DCDC2C: variants seen among roughly 807,000 people sequenced by gnomAD.
The protein encoded by DCDC2C is doublecortin domain-containing protein 2C.
In DCDC2C, 44 loss-of-function variants were observed where a neutral mutation model predicts 45.0. The observed-to-expected ratio is 0.98, with a 90% CI of 0.77 to 1.26. The LOEUF (loss-of-function observed/expected upper bound fraction) is 1.26. Ranked by LOEUF, DCDC2C falls within the 50% of genes most tolerant of loss-of-function variation. The probability of loss-of-function intolerance (pLI) is 0.00; values close to 1 mark genes in which losing one functional copy is unlikely to be tolerated. For synonymous variants in DCDC2C, 187 were observed against 178.8 expected (o/e 1.05, Z -0.37); for missense variants, 447 against 468.9 (o/e 0.95, Z 0.43).
At chr2:3,787,642 TGTTA>T (rs1384438643) in intron 10 of DCDC2C, among the ~76,000 whole-genome samples, 1 of 152,256 alleles carries the variant, frequency 6.6e-6, no homozygotes, top group African/African-American at 2.4e-5. Context: ...AAGAATACTT[TGTTA>T]AACTATAAAC....
chr2:3,726,880 T>G, intron 2 of DCDC2C, 123 bp from the exon 3 acceptor site: 15 of 800,952 alleles, frequency 1.9e-5, no homozygotes, highest in Non-Finnish European at 2.8e-5. Context: ...CCCCTGGGTG[T>G]TCTATTGACA....
chr2:3,815,708 C>A (rs1363037012), intron 10 of DCDC2C, among the ~76,000 whole-genome samples: 2 of 152,026 alleles, frequency 1.3e-5, no homozygotes, highest in African/African-American at 4.8e-5. Context: ...TGGAAAATTA[C>A]AATCAAAGGA....
rs1189827331 is a variant in DCDC2C, at chr2:3,708,529, TC to T, written c.288-19del. ...AAATATCTTCCTTCTAATGATGTTT[TC>T]TTCTTTCTTCTTTTGCAGTTATATT... On this transcript the variant is annotated intron_variant, in intron 1 of 10. Coordinates refer to ENST00000399143, the MANE Select transcript of DCDC2C (RefSeq NM_001287444.2). 24 of 1,525,028 alleles carry T rather than the reference TC, an allele frequency of 1.6e-5. No homozygotes were observed. The highest frequency in any genetic ancestry group is 1.4e-5 in the African/African-American group (1 of 71,872). 94.5% of individuals were successfully genotyped at this position (1,525,028 alleles called of 1,614,324 possible).
chr2:3,754,417 C>T (rs1387208277), intron 5 of DCDC2C, among the ~76,000 whole-genome samples, 175 bp from the exon 6 acceptor site: 5 of 152,168 alleles, frequency 3.3e-5, no homozygotes, highest in East Asian at 1.9e-4. Context: ...ATTCCTGGGG[C>T]GTTTTCTGCT....
intron 3 of DCDC2C, among the ~76,000 whole-genome samples, chr2:3,732,492 G>T (rs1344119566): frequency 6.6e-6 from 1 of 152,102 alleles, no homozygotes; most frequent in African/African-American, 2.4e-5. Context: ...TAATTTGACA[G>T]CAATGAACAA....
chr2:3,748,286 A>G (rs1669433183), intron 4 of DCDC2C, among the ~76,000 whole-genome samples: 1 of 141,528 alleles, frequency 7.1e-6, no homozygotes, highest in South Asian at 2.4e-4. Context: ...AAAGGCAGGC[A>G]GGTTTTGGCT....
chr2:3,751,713 T>C (rs1669547753), intron 4 of DCDC2C, among the ~76,000 whole-genome samples: 1 of 152,202 alleles, frequency 6.6e-6, no homozygotes, highest in African/African-American at 2.4e-5. Context: ...CTTCTGCTCC[T>C]GCACTTCCTG....
intron 9 of DCDC2C, among the ~76,000 whole-genome samples, chr2:3,782,341 AC>A (rs879311732): frequency 1.3e-5 from 2 of 152,194 alleles, no homozygotes; most frequent in Non-Finnish European, 2.9e-5. Flanking sequence ...TTTGGATGAC[AC>A]TTCCTCATCC....
chr2:3,711,446 G>A (rs1668207072), intron 2 of DCDC2C, among the ~76,000 whole-genome samples: 1 of 152,110 alleles, frequency 6.6e-6, no homozygotes, highest in African/African-American at 2.4e-5. Context: ...TTTACACCAT[G>A]GAATACTATG....
intron 3 of DCDC2C, 109 bp from the exon 4 acceptor site, chr2:3,741,811 A>G: frequency 1.7e-6 from 2 of 1,171,208 alleles, no homozygotes; most frequent in East Asian, 5.4e-5. Context: ...GAGGCTGCTT[A>G]GTGCATCTCA....
rs560472677 is a variant in DCDC2C, at chr2:3,761,069, T to G, written c.726+6435T>G. On this transcript the variant is annotated intron_variant, in intron 6 of 10. Coordinates refer to ENST00000399143, the MANE Select transcript of DCDC2C (RefSeq NM_001287444.2). The surrounding 1 kb of genome is among the most constrained non-coding windows in gnomAD (Gnocchi z 4.3). ...GGAACTTTTAGTCCAATGAAAGTAA[T>G]TGAATGAAGCTACTCTCATTATATA... is the stretch of plus-strand genomic sequence containing the variant. Among the ~76,000 whole-genome samples the G allele has an allele frequency of 6.6e-6, 1 of 152,232 alleles. No homozygotes were observed. The highest frequency in any genetic ancestry group is 2.1e-4 in the South Asian group (1 of 4,832).
In DCDC2C at chr2:3,847,595, T is replaced by G. The variant is rs552191889; in HGVS notation, c.*412T>G. Among the ~76,000 whole-genome samples the G allele has an allele frequency of 5.3e-4, 80 of 152,282 alleles. No homozygotes were observed. The highest frequency in any genetic ancestry group is 1.9e-3 in the African/African-American group (77 of 41,554). On this transcript the variant is annotated 3_prime_UTR_variant, in exon 11 of 11. Coordinates refer to ENST00000399143, the MANE Select transcript of DCDC2C (RefSeq NM_001287444.2). ...TACTGATAACCTTTGCTATGTAAAG[T>G]TCAAAGTATAAAAATGTTTTACCTT... is the stretch of plus-strand genomic sequence containing the variant.
rs1187401734 is a variant in DCDC2C, at chr2:3,778,881, C to T, written c.1020C>T (p.Asn340=). Residue 340 remains asparagine (N), a synonymous_variant, in exon 9 of 11, where the codon AAC becomes AAT. Coordinates refer to ENST00000399143, the MANE Select transcript of DCDC2C (RefSeq NM_001287444.2). ...AGAACACCCCTGATTTTGAGGGCAA[C>T]AAGGTGAGTTCATTTTATTTTGTGT... ...IHENTPDFEG[N]KDKEDARLCE... is the part of the protein sequence containing the mutation. 1 of 1,550,848 alleles carries T rather than the reference C, an allele frequency of 6.4e-7. No homozygotes were observed. Among genetic ancestry groups the T allele is most frequent in the East Asian group, 2.4e-5 (1 of 40,902 alleles).
chr2:3,834,771 T>G (rs1054012870), intron 10 of DCDC2C, among the ~76,000 whole-genome samples: 1 of 152,286 alleles, frequency 6.6e-6, no homozygotes, highest in Admixed American at 6.5e-5. Context: ...GGTGAATAAC[T>G]TGGACAGAAT....
chr2:3,805,349 T>C (rs758005307), intron 10 of DCDC2C, among the ~76,000 whole-genome samples: 5 of 152,174 alleles, frequency 3.3e-5, no homozygotes, highest in Admixed American at 1.3e-4. Flanking sequence ...AGAGTGTGAT[T>C]GACAATGGAT....
At chr2:3,779,745 C>G (rs910674686) in intron 9 of DCDC2C, among the ~76,000 whole-genome samples, 2 of 151,490 alleles carry the variant, frequency 1.3e-5, no homozygotes, top group Non-Finnish European at 2.9e-5. Flanking sequence ...TGTAAACAGG[C>G]GGGGACACTC....
rs540233424 is a variant in DCDC2C, at chr2:3,749,021, C to T, written c.546-3742C>T. Among the ~76,000 whole-genome samples, 163 of 152,184 alleles carry T rather than the reference C, an allele frequency of 1.1e-3. 1 individual carries two copies. Among genetic ancestry groups the T allele is most frequent in the Middle Eastern group, 6.8e-3 (2 of 294 alleles). On this transcript the variant is annotated intron_variant, in intron 4 of 10. Transcript: ENST00000399143. Reference sequence around the variant, plus strand: ...ACCACATGGTCTTGAAAAGGAAGCTCATTAAACATAAATATTTTAAAATTC... The same window carrying T: ...ACCACATGGTCTTGAAAAGGAAGCTTATTAAACATAAATATTTTAAAATTC...
At chr2:3,737,623 T>C (rs980529201) in intron 3 of DCDC2C, among the ~76,000 whole-genome samples, 2 of 152,146 alleles carry the variant, frequency 1.3e-5, no homozygotes, top group Non-Finnish European at 2.9e-5. Flanking sequence ...GTGGCCTCCA[T>C]GTGGCCTGGG....
chr2:3,828,509 T>C (rs1192237380), intron 10 of DCDC2C, among the ~76,000 whole-genome samples: 1 of 152,180 alleles, frequency 6.6e-6, no homozygotes, highest in Non-Finnish European at 1.5e-5. Flanking sequence ...AGCATCATAG[T>C]CCAATTACAG....
Sources: allele counts gnomAD v4.1 joint callset (sites outside exome capture counted in the v4.1 genomes callset), GRCh38; gene constraint gnomAD v4.1.1; non-coding constraint Gnocchi (gnomAD v3.1); transcripts MANE v1.5; gene names NCBI Gene and HGNC (gene_info 2026-07-23, HGNC 2026-07-21).